EYS: variants seen among roughly 807,000 people sequenced by gnomAD.
EYS encodes EGF-like photoreceptor maintenance factor.
In EYS, 250 loss-of-function variants were observed where a neutral mutation model predicts 282.1. The ratio of observed to expected loss-of-function variants is 0.89; its 90% confidence interval spans 0.80 to 0.98. EYS has a LOEUF of 0.98. EYS is among the 50% of genes least tolerant of loss of function. The pLI is 0.00. For synonymous variants in EYS, 1,355 were observed against 1,282.9 expected, an observed-to-expected ratio of 1.06 and a Z score of -1.20; for missense variants, 4,016 against 3,709.0, an observed-to-expected ratio of 1.08 and a Z score of -2.15.
intron 21 of EYS, among the ~76,000 whole-genome samples, chr6:64,820,780 T>C (rs1347462227): frequency 6.6e-6 from 1 of 152,134 alleles, no homozygotes; most frequent in Non-Finnish European, 1.5e-5. Context: ...TCTCCGTGAA[T>C]GCATTTAACT....
chr6:64,144,904 A>G (rs1467180595), intron 31 of EYS, among the ~76,000 whole-genome samples: 1 of 152,168 alleles, frequency 6.6e-6, no homozygotes, highest in Non-Finnish European at 1.5e-5. Context: ...CAGTTTCTCA[A>G]TAAGGGGTCC....
chr6:65,121,810 C>A (rs1775560603), intron 12 of EYS, among the ~76,000 whole-genome samples: 1 of 151,822 alleles, frequency 6.6e-6, no homozygotes, highest in Non-Finnish European at 1.5e-5. Context: ...ATCTCAAAGC[C>A]CCTAGGTAAA....
intron 31 of EYS, among the ~76,000 whole-genome samples, chr6:64,120,195 AAT>A (rs201986567): frequency 0.05 from 7,272 of 145,144 alleles, 547 homozygotes; most frequent in African/African-American, 0.18. Flanking sequence ...AAAAAAAAAA[AAT>A]TACAAAAAAT....
chr6:64,288,421 C>A lies in EYS; in HGVS notation c.6191+18549G>T, dbSNP rs755470917. Among the ~76,000 whole-genome samples the A allele has an allele frequency of 6.8e-4, 104 of 152,038 alleles. 1 individual carries two copies. The highest frequency in any genetic ancestry group is 3.6e-3 in the Admixed American group (55 of 15,246). On this transcript the variant is annotated intron_variant, in intron 30 of 42. Transcript: ENST00000503581. Reference sequence around the variant, plus strand: ...TATATATGAATCAAGTTCCTCTTTGCCTCACCGTTTTCTAGAGACTCAGAC... The same window carrying A: ...TATATATGAATCAAGTTCCTCTTTGACTCACCGTTTTCTAGAGACTCAGAC...
At chr6:65,240,393 C>T (rs186007465) in intron 12 of EYS, among the ~76,000 whole-genome samples, 2 of 152,244 alleles carry the variant, frequency 1.3e-5, no homozygotes, top group East Asian at 1.9e-4. Flanking sequence ...TACTGAACAT[C>T]GTACCTAATG....
intron 22 of EYS, among the ~76,000 whole-genome samples, chr6:64,671,181 T>G (rs183341304): frequency 8.5e-5 from 13 of 152,286 alleles, no homozygotes; most frequent in Admixed American, 2.0e-4. Flanking sequence ...CCATCTGCCA[T>G]GGTCTGAATG....
chr6:64,742,771 A>C (rs1772418887), intron 22 of EYS, among the ~76,000 whole-genome samples: 1 of 152,080 alleles, frequency 6.6e-6, no homozygotes. Context: ...AACAAGAAAG[A>C]AATACTCCCC....
At chr6:63,775,418 T>C (rs1352001594) in intron 40 of EYS, among the ~76,000 whole-genome samples, 2 of 152,230 alleles carry the variant, frequency 1.3e-5, no homozygotes, top group Non-Finnish European at 2.9e-5. Context: ...TTACAATTGA[T>C]TCTAAACACC....
At chr6:64,296,559 TATATATATATATATATATATATATAC>T (rs1561913493) in intron 30 of EYS, among the ~76,000 whole-genome samples, 1 of 5,778 alleles carries the variant, frequency 1.7e-4, no homozygotes, top group African/African-American at 1.0e-3. Flanking sequence ...TATATATATA[TATATATATATATATATATATATATAC>T]ATATATATAT....
At chr6:64,895,588 C>A (rs907389680) in intron 18 of EYS, among the ~76,000 whole-genome samples, 4 of 152,090 alleles carry the variant, frequency 2.6e-5, no homozygotes, top group Non-Finnish European at 5.9e-5. Flanking sequence ...ATGACACTAG[C>A]ACATGGATGA....
intron 30 of EYS, among the ~76,000 whole-genome samples, chr6:64,277,700 T>A (rs1425511997): frequency 6.6e-6 from 1 of 152,070 alleles, no homozygotes; most frequent in African/African-American, 2.4e-5. Flanking sequence ...ATCAAATATA[T>A]CTCAAGGAAC....
chr6:65,583,090 C>CA (rs35429477), intron 2 of EYS, among the ~76,000 whole-genome samples: 6 of 151,644 alleles, frequency 4.0e-5, no homozygotes, highest in African/African-American at 1.2e-4. Flanking sequence ...ACATAAGTGA[C>CA]AAAAAAAGAA....
At chr6:64,971,543 T>C (rs925777269) in intron 14 of EYS, among the ~76,000 whole-genome samples, 3 of 152,158 alleles carry the variant, frequency 2.0e-5, no homozygotes, top group Non-Finnish European at 4.4e-5. Flanking sequence ...TTTTCTGACT[T>C]GGTTCCATTG....
At chr6:64,328,403 G>A (rs1052809484) in intron 29 of EYS, among the ~76,000 whole-genome samples, 3 of 152,148 alleles carry the variant, frequency 2.0e-5, no homozygotes, top group Admixed American at 2.0e-4. Flanking sequence ...GGTATCGAGA[G>A]GCACTCCTAA....
At chr6:64,881,993 A>G (rs955042122) in intron 19 of EYS, among the ~76,000 whole-genome samples, 3 of 151,832 alleles carry the variant, frequency 2.0e-5, no homozygotes, top group African/African-American at 7.2e-5. Context: ...AATGTGTAAG[A>G]TCCAGCTTTT....
At chr6:65,107,424 G>C (rs1775073134) in intron 12 of EYS, among the ~76,000 whole-genome samples, 1 of 151,596 alleles carries the variant, frequency 6.6e-6, no homozygotes, top group African/African-American at 2.4e-5. Context: ...TGGCTCTTGG[G>C]AACATAAAAG....
At chr6:63,836,189 A>G (rs1219417231) in intron 36 of EYS, among the ~76,000 whole-genome samples, 1 of 152,096 alleles carries the variant, frequency 6.6e-6, no homozygotes. Flanking sequence ...CCTACCAGCA[A>G]TGTATGAATT....
At chr6:64,043,134 C>T (rs1367463914) in intron 33 of EYS, among the ~76,000 whole-genome samples, 1 of 152,140 alleles carries the variant, frequency 6.6e-6, no homozygotes, top group Admixed American at 6.5e-5. Flanking sequence ...AAGTTTATGA[C>T]ATAGGTACTG....
At chr6:65,051,710 G>A (rs1278287736) in intron 13 of EYS, among the ~76,000 whole-genome samples, 1 of 151,404 alleles carries the variant, frequency 6.6e-6, no homozygotes. Flanking sequence ...TGAACCTGGA[G>A]GACATCATGT....
Sources: gnomAD v4.1 joint callset for allele counts (sites outside exome capture counted in the v4.1 genomes callset) on GRCh38, gnomAD v4.1.1 for gene constraint, MANE v1.5 for transcripts, NCBI Gene and HGNC (gene_info 2026-07-23, HGNC 2026-07-21) for gene names.